The following VPS13B variants were observed in gnomAD, a reference collection of about 807,000 sequenced individuals.
VPS13B encodes the protein vacuolar protein sorting 13 homolog B.
VPS13B carries 285 observed loss-of-function variants against 426.4 expected under a neutral mutation model. The ratio of observed to expected loss-of-function variants is 0.67; its 90% CI spans 0.61 to 0.74. The LOEUF (loss-of-function observed/expected upper bound fraction) is 0.74, where lower values mean the gene tolerates loss of function less well. Ranked by LOEUF, VPS13B falls within the 30% of genes least tolerant of loss-of-function variation. The pLI, the probability that VPS13B is intolerant of heterozygous loss-of-function variation, is 0.00. For missense variants in VPS13B, 4,537 were observed against 4,782.6 expected, an observed-to-expected ratio of 0.95 and a Z score of 1.51; for synonymous variants, 1,676 against 1,676.4, an observed-to-expected ratio of 1.00 and a Z score of 0.01.
chr8:99,771,737 C>A (rs1811501692), intron 40 of VPS13B, among the ~76,000 whole-genome samples: 1 of 152,186 alleles, frequency 6.6e-6, no homozygotes, highest in Non-Finnish European at 1.5e-5. Flanking sequence ...GATATTGTTT[C>A]TCTCCATTTG....
chr8:99,487,765 TG>T (rs2133571456), intron 25 of VPS13B, among the ~76,000 whole-genome samples: 1 of 152,342 alleles, frequency 6.6e-6, no homozygotes, highest in South Asian at 2.1e-4. Context: ...CCTTTCTTTG[TG>T]TGTATCAGAA....
At position 99,048,654 on chromosome 8, in the gene VPS13B, A is replaced by C. The variant is rs112587912; in HGVS notation, c.291+10088A>C. Reference sequence around the variant, plus strand: ...ACATGGTGAAACCCCTTCTCTGCTAAAAATACAAAAATTAGCTGGGTGTGG... The same window carrying C: ...ACATGGTGAAACCCCTTCTCTGCTACAAATACAAAAATTAGCTGGGTGTGG... On this transcript the variant is annotated intron_variant, in intron 3 of 61. Coordinates refer to ENST00000357162, the MANE Select transcript of VPS13B (RefSeq NM_152564.5). Among the ~76,000 whole-genome samples, 596 of 152,208 alleles carry C rather than the reference A, an allele frequency of 3.9e-3. 9 individuals are homozygous for C. Among genetic ancestry groups the C allele is most frequent in the African/African-American group, 0.013 (531 of 41,496 alleles).
At chr8:99,753,755 C>A (rs1036295186) in intron 39 of VPS13B, among the ~76,000 whole-genome samples, 1 of 152,138 alleles carries the variant, frequency 6.6e-6, no homozygotes, top group Admixed American at 6.5e-5. Flanking sequence ...AAGTATTTCT[C>A]AGGGCTCTTA....
intron 23 of VPS13B, among the ~76,000 whole-genome samples, chr8:99,463,900 G>T (rs1818964138): frequency 1.3e-5 from 2 of 152,118 alleles, no homozygotes; most frequent in South Asian, 4.2e-4. Context: ...TCTCCATGTT[G>T]GTCAGGCTGG....
chr8:99,167,177 C>G (rs552490068), intron 15 of VPS13B, among the ~76,000 whole-genome samples: 41 of 152,012 alleles, frequency 2.7e-4, no homozygotes, highest in Non-Finnish European at 5.4e-4. Flanking sequence ...CTCTAAAATT[C>G]TTTGGTTGAT....
chr8:99,789,817 C>T (rs537457953), intron 43 of VPS13B, among the ~76,000 whole-genome samples: 14 of 152,114 alleles, frequency 9.2e-5, no homozygotes, highest in Non-Finnish European at 1.9e-4. Context: ...TCTATGTATA[C>T]AATGTGATCA....
At chr8:99,162,706 T>C (rs984959544) in intron 15 of VPS13B, among the ~76,000 whole-genome samples, 11 of 152,128 alleles carry the variant, frequency 7.2e-5, no homozygotes, top group Non-Finnish European at 4.4e-5. Context: ...GCTGCAGATC[T>C]TCGCGGTGAG....
chr8:99,697,274 G>C (rs190971405), intron 35 of VPS13B: 42 of 579,230 alleles, frequency 7.3e-5, no homozygotes, highest in African/African-American at 5.4e-4. Flanking sequence ...ACCACAAGGA[G>C]CTGCAGAAGC....
At chr8:99,028,893 CT>C (rs1842326971) in intron 2 of VPS13B, among the ~76,000 whole-genome samples, 1 of 56,760 alleles carries the variant, frequency 1.8e-5, no homozygotes. Flanking sequence ...CCCCACCTCC[CT>C]CCCGGACGGG....
rs572084490 is a variant in VPS13B at position 99,032,118 on chromosome 8, G to A, written c.148-6305G>A. Among the ~76,000 whole-genome samples, 6 of 152,312 alleles carry A rather than the reference G, an allele frequency of 3.9e-5. No individual in the cohort carries two copies. In the South Asian group the frequency reaches 1.2e-3, roughly 32 times the overall value. ...TTGCTTAACTTTTCTCGTCAATAGGGAGTCCCTTCTGGCTCCAGGCTGATC... is the reference window on the plus strand; with the variant it reads ...TTGCTTAACTTTTCTCGTCAATAGGAAGTCCCTTCTGGCTCCAGGCTGATC... On this transcript the variant is annotated intron_variant, in intron 2 of 61. Transcript: ENST00000357162.
At chr8:99,723,954 A>G (rs1833231164) in intron 39 of VPS13B, among the ~76,000 whole-genome samples, 1 of 152,202 alleles carries the variant, frequency 6.6e-6, no homozygotes, top group Admixed American at 6.5e-5. Flanking sequence ...AAGACTGGCA[A>G]CGAGGCTGAC....
At chr8:99,400,801 G>C (rs1305610044) in intron 21 of VPS13B, among the ~76,000 whole-genome samples, 2 of 152,136 alleles carry the variant, frequency 1.3e-5, no homozygotes, top group Non-Finnish European at 2.9e-5. Flanking sequence ...CTCCCAAGTA[G>C]CTGGGATTAC....
intron 18 of VPS13B, 67 bp downstream of exon 18, chr8:99,274,399 G>A: frequency 6.2e-7 from 1 of 1,610,058 alleles, no homozygotes; most frequent in South Asian, 1.1e-5. Context: ...CGTTTTACAA[G>A]GAGCGTTACT....
chr8:99,852,755 T>C (rs1034798714), intron 55 of VPS13B, among the ~76,000 whole-genome samples: 3 of 152,070 alleles, frequency 2.0e-5, no homozygotes, highest in African/African-American at 7.2e-5. Context: ...TTAGAGTTTC[T>C]GTGTAGAGAG....
Position 99,720,341 on chromosome 8 carries a change from AAAGGTCTTCTGGGGTC to A in VPS13B, c.6658_6673del (p.Val2220AsnfsTer3). The A allele has an allele frequency of 1.2e-6, 2 of 1,611,394 alleles. No individual in the cohort carries two copies. The highest frequency in any genetic ancestry group is 1.7e-6 in the Non-Finnish European group (2 of 1,179,148). On this transcript the variant is annotated splice_acceptor_variant and splice_polypyrimidine_tract_variant and coding_sequence_variant and intron_variant, in exon 38 of 62. Transcript: ENST00000357162. LOFTEE classifies it high-confidence loss of function. ...GCTACTAGAATTTTTTTATGATTTT[AAAGGTCTTCTGGGGTC>A]AAGAACATTTGAATTGTTTAGTTCT...
At chr8:99,240,057 T>A (rs1226652345) in intron 17 of VPS13B, among the ~76,000 whole-genome samples, 2 of 152,194 alleles carry the variant, frequency 1.3e-5, no homozygotes, top group Non-Finnish European at 1.5e-5. Flanking sequence ...GACTGCTGTT[T>A]CTTGATTACT....
intron 19 of VPS13B, among the ~76,000 whole-genome samples, chr8:99,327,240 T>C (rs183403520): frequency 1.3e-5 from 2 of 152,252 alleles, no homozygotes; most frequent in Admixed American, 6.5e-5. Context: ...CTGCAGGAAA[T>C]TGAGTCATCC....
intron 25 of VPS13B, among the ~76,000 whole-genome samples, chr8:99,498,620 TTTG>T (rs760228186): frequency 2.1e-4 from 32 of 152,158 alleles, no homozygotes; most frequent in Non-Finnish European, 4.6e-4. Context: ...AATGGAAATA[TTTG>T]TTTATATGAT....
At chr8:99,316,579 C>T (rs994719953) in intron 19 of VPS13B, among the ~76,000 whole-genome samples, 3 of 152,110 alleles carry the variant, frequency 2.0e-5, no homozygotes, top group African/African-American at 7.2e-5. Context: ...GAAATGTGGA[C>T]TGCTGGAAGT....
Sources: gnomAD v4.1 joint callset for allele counts (sites outside exome capture counted in the v4.1 genomes callset) on GRCh38, gnomAD v4.1.1 for gene constraint, MANE v1.5 for transcripts, NCBI Gene and HGNC (gene_info 2026-07-23, HGNC 2026-07-21) for gene names.